ZFAT: variants seen among roughly 807,000 people sequenced by gnomAD.
The protein encoded by ZFAT is zinc finger and AT-hook domain containing, also known as zinc finger protein ZFAT.
In ZFAT, 64 loss-of-function variants were observed where a neutral mutation model predicts 117.7. The observed-to-expected ratio is 0.54, with a 90% CI of 0.44 to 0.67. The LOEUF is 0.67. Among genes scored for constraint, ZFAT ranks in the 30% least tolerant of loss-of-function variants. ZFAT has a pLI of 0.00. For missense variants in ZFAT, 1,433 were observed against 1,584.5 expected (o/e 0.90, Z 1.62); for synonymous variants, 679 against 615.0 (o/e 1.10, Z -1.54).
the ZFAT span, among the ~76,000 whole-genome samples, chr8:134,806,857 T>C: frequency 3.9e-5 from 6 of 152,214 alleles, no homozygotes; most frequent in African/African-American, 1.4e-4. Flanking sequence ...CATTATAAAG[T>C]ATCTTCTAGA....
the ZFAT span, among the ~76,000 whole-genome samples, chr8:134,732,215 C>G: frequency 6.6e-6 from 1 of 152,224 alleles, no homozygotes; most frequent in South Asian, 2.1e-4. Flanking sequence ...GAGGCTGTGC[C>G]CGCTGCTTCT....
At chr8:134,751,932 C>T in the ZFAT span, among the ~76,000 whole-genome samples, 5 of 152,216 alleles carry the variant, frequency 3.3e-5, no homozygotes, top group Non-Finnish European at 5.9e-5. Flanking sequence ...CCCTTGCACA[C>T]CAGGGAATCC....
At chr8:134,553,248 G>A (rs368698187) in intron 11 of ZFAT, among the ~76,000 whole-genome samples, 74 of 152,182 alleles carry the variant, frequency 4.9e-4, no homozygotes, top group African/African-American at 1.7e-3. Context: ...ACTCATGCCT[G>A]TAATCCCAAC....
At chr8:134,599,489 A>AAGT (rs1217068644) in intron 7 of ZFAT, 1 of 281,350 alleles carries the variant, frequency 3.6e-6, no homozygotes, top group African/African-American at 2.3e-5. Flanking sequence ...CAGGGAAGAC[A>AAGT]AGTGACTTGC....
chr8:134,770,478 C>T, the ZFAT span, among the ~76,000 whole-genome samples: 1 of 152,188 alleles, frequency 6.6e-6, no homozygotes, highest in Non-Finnish European at 1.5e-5. Flanking sequence ...ATTTCCTATG[C>T]CTGTCTTTAC....
intron 1 of ZFAT, among the ~76,000 whole-genome samples, chr8:134,699,172 C>G (rs1476518112): frequency 6.6e-6 from 1 of 152,150 alleles, no homozygotes; most frequent in African/African-American, 2.4e-5. Flanking sequence ...AAGCCAGGGT[C>G]CACACCTGAG....
At chr8:134,722,661 G>A in the ZFAT span, among the ~76,000 whole-genome samples, 1 of 152,218 alleles carries the variant, frequency 6.6e-6, no homozygotes, top group Admixed American at 6.5e-5. Flanking sequence ...GGAGGGAGTT[G>A]TCTAAGGTCA....
intron 5 of ZFAT, among the ~76,000 whole-genome samples, chr8:134,608,448 T>TA (rs1828052577): frequency 6.6e-6 from 1 of 152,298 alleles, no homozygotes; most frequent in South Asian, 2.1e-4. Flanking sequence ...TTTATTAAGG[T>TA]AAAAAATAGT....
chr8:134,704,895 T>TAA (rs891301803), intron 1 of ZFAT, among the ~76,000 whole-genome samples: 2 of 143,904 alleles, frequency 1.4e-5, no homozygotes, highest in African/African-American at 5.1e-5. Context: ...TATAAACCTT[T>TAA]AAAAAAAAAA....
At chr8:134,634,994 T>C (rs1002569509) in intron 3 of ZFAT, among the ~76,000 whole-genome samples, 1 of 152,210 alleles carries the variant, frequency 6.6e-6, no homozygotes, top group African/African-American at 2.4e-5. Context: ...CCCTGGCATG[T>C]GCAGTTTACA....
chr8:134,798,283 T>A, the ZFAT span: 1 of 151,974 alleles, frequency 6.6e-6, no homozygotes, highest in Non-Finnish European at 1.5e-5. Context: ...CCCAAAATTA[T>A]CAAAGACATC....
rs1162804665 is a variant in ZFAT at position 134,610,753 on chromosome 8, C to A, written c.449-98G>T. The A allele has an allele frequency of 2.8e-6, 4 of 1,437,798 alleles. No homozygotes were observed. In the African/African-American group the frequency reaches 5.7e-5, roughly 20 times the overall value. The allele number at this position is 1,437,798 out of a possible 1,614,324, so 89.1% of individuals were successfully genotyped here. A position where few individuals can be genotyped will look rare whatever the true frequency, so the allele number is the denominator to read the frequency against. ...CTTTCACGGGACAGTAAAGGAAACA[C>A]AGCTCTTTGGTCTGCAGTGCCACGC... is the stretch of plus-strand genomic sequence containing the variant. On this transcript the variant is annotated intron_variant, in intron 3 of 15. Coordinates refer to ENST00000377838, the MANE Select transcript of ZFAT (RefSeq NM_020863.4).
chr8:134,669,699 G>A (rs952340988), intron 1 of ZFAT, among the ~76,000 whole-genome samples: 13 of 152,058 alleles, frequency 8.5e-5, no homozygotes, highest in Admixed American at 3.3e-4. Flanking sequence ...ATCAACTAAC[G>A]AGCAAAATAA....
upstream of ZFAT, among the ~76,000 whole-genome samples, chr8:134,714,331 C>T (rs1235268291): frequency 6.6e-6 from 1 of 152,216 alleles, no homozygotes; most frequent in African/African-American, 2.4e-5. Flanking sequence ...AGCTCCATCC[C>T]CCACTTCTCT....
chr8:134,631,664 G>A (rs563744521), intron 3 of ZFAT, among the ~76,000 whole-genome samples: 17 of 152,292 alleles, frequency 1.1e-4, no homozygotes, highest in African/African-American at 3.6e-4. Context: ...GACAATTGAG[G>A]GACAGGGTGC....
At chr8:134,729,172 A>G in the ZFAT span, among the ~76,000 whole-genome samples, 1 of 152,230 alleles carries the variant, frequency 6.6e-6, no homozygotes, top group South Asian at 2.1e-4. Flanking sequence ...CAGAGTCACC[A>G]TGCCCGACCA....
At chr8:134,486,937 T>A (rs1021533795) in intron 15 of ZFAT, among the ~76,000 whole-genome samples, 9 of 152,114 alleles carry the variant, frequency 5.9e-5, no homozygotes, top group African/African-American at 2.2e-4. Flanking sequence ...CATGTGTGTA[T>A]ATGTGTGTTC....
the ZFAT span, among the ~76,000 whole-genome samples, chr8:134,729,223 T>C: frequency 6.6e-6 from 1 of 152,262 alleles, no homozygotes; most frequent in East Asian, 1.9e-4. Context: ...CAATTTACTT[T>C]AGTAAACTCT....
chr8:134,780,136 G>A, the ZFAT span, among the ~76,000 whole-genome samples: 2 of 152,180 alleles, frequency 1.3e-5, no homozygotes, highest in Non-Finnish European at 2.9e-5. Context: ...CCCAGACCTT[G>A]GGACTGTTCT....
Sources: gnomAD v4.1 joint callset for allele counts (sites outside exome capture counted in the v4.1 genomes callset) on GRCh38, gnomAD v4.1.1 for gene constraint, MANE v1.5 for transcripts, NCBI Gene and HGNC (gene_info 2026-07-23, HGNC 2026-07-21) for gene names.